Variants in ABCA12 observed in about 807,000 individuals in gnomAD.
ABCA12 encodes glucosylceramide transporter ABCA12.
In ABCA12, 156 loss-of-function variants were observed where a neutral mutation model predicts 293.5. That is an observed-to-expected ratio of 0.53 (90% confidence interval 0.47 to 0.61). The LOEUF (loss-of-function observed/expected upper bound fraction) is 0.61. Among genes scored for constraint, ABCA12 ranks in the 20% least tolerant of loss-of-function variants. ABCA12 has a pLI of 0.00. For missense variants in ABCA12, 2,797 were observed against 3,090.2 expected (o/e 0.91, Z 2.25); for synonymous variants, 1,063 against 1,108.0 (o/e 0.96, Z 0.81).
intron 2 of ABCA12, among the ~76,000 whole-genome samples, chr2:215,107,999 G>C (rs1702497067): frequency 6.6e-6 from 1 of 152,142 alleles, no homozygotes; most frequent in South Asian, 2.1e-4. Flanking sequence ...GTGAGGGCAA[G>C]GGCATGAGTG....
chr2:215,028,808 A>T (rs2106026590), intron 9 of ABCA12, among the ~76,000 whole-genome samples: 1 of 152,360 alleles, frequency 6.6e-6, no homozygotes, highest in Non-Finnish European at 1.5e-5. Context: ...CTATGACATC[A>T]GTGAGTCAAG....
At chr2:215,128,825 T>C (rs1470541197) in intron 1 of ABCA12, among the ~76,000 whole-genome samples, 1 of 152,200 alleles carries the variant, frequency 6.6e-6, no homozygotes, top group East Asian at 1.9e-4. Flanking sequence ...TTGGTTTGGA[T>C]CCATTGCTGG....
Position 215,019,630 on chromosome 2 carries a change from G to C in ABCA12, c.1454C>G (p.Ala485Gly). The C allele has an allele frequency of 6.2e-7, 1 of 1,614,152 alleles. No homozygotes were observed. Among genetic ancestry groups the C allele is most frequent in the Non-Finnish European group, 8.5e-7 (1 of 1,180,036 alleles). ...GACATTGTCATGGTACAGTAAGCTG[G>C]CTGCTATTTCGGTGCCCAGCTCTGC... The part of the protein sequence containing the change: ...EAAELGTEIA[A>G]SLLYHDNVIS... The change falls in exon 12 of 53, where the codon GCC (alanine) becomes GGC (glycine). Residue 485 changes from alanine (A) to glycine (G), a missense_variant. Physicochemically the swap from Ala to Gly is moderately conservative, Grantham distance 60. Transcript: ENST00000272895.
chr2:215,002,246 C>T (rs1269905017), intron 20 of ABCA12, among the ~76,000 whole-genome samples: 3 of 152,040 alleles, frequency 2.0e-5, no homozygotes, highest in African/African-American at 7.2e-5. Context: ...AAAATATATG[C>T]CACATAGTTG....
At chr2:214,949,240 TA>T (rs1303570801) in intron 45 of ABCA12, 91 bp from the exon 46 acceptor site, 1 of 901,646 alleles carries the variant, frequency 1.1e-6, no homozygotes, top group Non-Finnish European at 1.8e-6. Flanking sequence ...CTGGGTGAAA[TA>T]AATTACCGAG....
At chr2:215,055,743 T>G (rs1381273464) in intron 3 of ABCA12, among the ~76,000 whole-genome samples, 1 of 151,984 alleles carries the variant, frequency 6.6e-6, no homozygotes, top group Admixed American at 6.6e-5. Context: ...CATTCCCTAG[T>G]GTTTTTCCAA....
At chr2:214,970,563 T>C in intron 36 of ABCA12, among the ~76,000 whole-genome samples, 163 bp from the exon 37 acceptor site, 1 of 152,072 alleles carries the variant, frequency 6.6e-6, no homozygotes, top group Non-Finnish European at 1.5e-5. Flanking sequence ...AGAAGTCATC[T>C]CACCTACACC....
In ABCA12 at chr2:215,136,036, G is replaced by C. The variant is rs560903219; in HGVS notation, c.69+2104C>G. Among the ~76,000 whole-genome samples the C allele has an allele frequency of 2.6e-5, 4 of 152,154 alleles. No individual in the cohort carries two copies. The East Asian group carries it at 7.7e-4, about 29-fold the overall frequency. ...GGTTGGTTATAATGGATTCAGGTTGGCCTCTGTATTGTCCCAAATTTTGGA... is the reference window on the plus strand; with the variant it reads ...GGTTGGTTATAATGGATTCAGGTTGCCCTCTGTATTGTCCCAAATTTTGGA... On this transcript the variant is annotated intron_variant, in intron 1 of 52. Coordinates refer to ENST00000272895, the MANE Select transcript of ABCA12 (RefSeq NM_173076.3).
intron 44 of ABCA12, among the ~76,000 whole-genome samples, chr2:214,952,635 C>T (rs1037975586): frequency 6.6e-6 from 1 of 152,196 alleles, no homozygotes; most frequent in Non-Finnish European, 1.5e-5. Context: ...TTCCAATCTG[C>T]ACTCCATCTA....
intron 28 of ABCA12, 113 bp from the exon 29 acceptor site, chr2:214,983,978 AG>A (rs1442633628): frequency 2.5e-6 from 2 of 812,842 alleles, no homozygotes; most frequent in African/African-American, 3.5e-5. Context: ...TTCTCAGTCA[AG>A]GGCAAACTAT....
intron 39 of ABCA12, among the ~76,000 whole-genome samples, chr2:214,966,638 G>A (rs1559119401): frequency 1.3e-5 from 2 of 152,142 alleles, no homozygotes; most frequent in South Asian, 4.1e-4. Flanking sequence ...TGATTTGATA[G>A]ATGAGAAAAC....
chr2:214,980,319 T>C (rs925094744), intron 31 of ABCA12, among the ~76,000 whole-genome samples, 164 bp downstream of exon 31: 2 of 152,208 alleles, frequency 1.3e-5, no homozygotes, highest in African/African-American at 4.8e-5. Flanking sequence ...CTCTGGGTTT[T>C]AGTCAAGACC....
chr2:214,951,610 A>G (rs530894797), intron 44 of ABCA12, among the ~76,000 whole-genome samples: 1 of 152,286 alleles, frequency 6.6e-6, no homozygotes, highest in African/African-American at 2.4e-5. Context: ...TACAAAAATT[A>G]TCCAGGCATG....
intron 2 of ABCA12, among the ~76,000 whole-genome samples, chr2:215,086,682 G>A (rs16853334): frequency 0.12 from 18,632 of 152,044 alleles, 1,492 homozygotes; most frequent in East Asian, 0.43. Context: ...GTATTGTTGC[G>A]TGTGCCTCTA....
chr2:215,134,305 C>A (rs146782067), intron 1 of ABCA12, among the ~76,000 whole-genome samples: 4 of 126,882 alleles, frequency 3.2e-5, no homozygotes, highest in Non-Finnish European at 6.7e-5. Context: ...TACATATATA[C>A]GTATATGTGT....
At chr2:215,055,683 G>A (rs1399722791) in intron 3 of ABCA12, among the ~76,000 whole-genome samples, 3 of 146,136 alleles carry the variant, frequency 2.1e-5, no homozygotes, top group Non-Finnish European at 4.5e-5. Context: ...CTAGTTCCAG[G>A]GTACTTTGTG....
chr2:215,081,293 C>A (rs921162095), intron 2 of ABCA12, among the ~76,000 whole-genome samples: 6 of 151,902 alleles, frequency 3.9e-5, no homozygotes, highest in Non-Finnish European at 8.8e-5. Context: ...GCCTGGCCAA[C>A]ATGGTGAAAC....
At chr2:215,053,434 A>T (rs776649737) in intron 4 of ABCA12, among the ~76,000 whole-genome samples, 1 of 152,092 alleles carries the variant, frequency 6.6e-6, no homozygotes, top group Non-Finnish European at 1.5e-5. Context: ...CTATGGCAAT[A>T]TATTTGTGAG....
At chr2:214,936,219 C>G (rs1285222781) in intron 51 of ABCA12, among the ~76,000 whole-genome samples, 2 of 152,136 alleles carry the variant, frequency 1.3e-5, no homozygotes, top group Non-Finnish European at 2.9e-5. Flanking sequence ...TGAATCATTC[C>G]TTTGTCCAGT....
Sources: allele counts gnomAD v4.1 joint callset (sites outside exome capture counted in the v4.1 genomes callset), GRCh38; gene constraint gnomAD v4.1.1; transcripts MANE v1.5; gene names NCBI Gene and HGNC (gene_info 2026-07-23, HGNC 2026-07-21).